LRP1B: variants seen among roughly 807,000 people sequenced by gnomAD.
LRP1B encodes LDL receptor related protein 1B.
A neutral mutation model predicts 556.6 loss-of-function variants in LRP1B; 217 were observed. The ratio of observed to expected loss-of-function variants is 0.39; its 90% CI spans 0.35 to 0.44. The LOEUF (loss-of-function observed/expected upper bound fraction) is 0.44. Among genes scored for constraint, LRP1B ranks in the 20% least tolerant of loss-of-function variants. The pLI is 1.00. For missense variants in LRP1B, 5,053 were observed against 5,620.8 expected, an observed-to-expected ratio of 0.90 and a Z score of 3.23; for synonymous variants, 2,047 against 1,865.8, an observed-to-expected ratio of 1.10 and a Z score of -2.50.
At chr2:141,028,928 AAAGG>A (rs1698290639) in intron 11 of LRP1B, among the ~76,000 whole-genome samples, 1 of 152,158 alleles carries the variant, frequency 6.6e-6, no homozygotes, top group African/African-American at 2.4e-5. Flanking sequence ...CAAAAGAGAA[AAAGG>A]CAGGAAAGGG....
At chr2:141,657,772 C>G (rs987327251) in intron 2 of LRP1B, among the ~76,000 whole-genome samples, 1 of 152,066 alleles carries the variant, frequency 6.6e-6, no homozygotes, top group Non-Finnish European at 1.5e-5. Context: ...GACAGTTGAT[C>G]AATCTATAGT....
At chr2:141,944,149 G>T (rs1026585700) in intron 1 of LRP1B, among the ~76,000 whole-genome samples, 1 of 152,176 alleles carries the variant, frequency 6.6e-6, no homozygotes, top group Non-Finnish European at 1.5e-5. Context: ...CAGATCAAAG[G>T]AGGAGGAGGT....
At position 141,005,315 on chromosome 2, in the gene LRP1B, G is replaced by T. The variant is rs1697540638; in HGVS notation, c.2503+20C>A. On this transcript the variant is annotated intron_variant, in intron 15 of 90. Coordinates refer to ENST00000389484, the MANE Select transcript of LRP1B (RefSeq NM_018557.3). ...GAAAGAGCCCGATAAACAAATAAGGGTAACTTGAAAAGAACTTACATGTGC... is the reference window on the plus strand; with the variant it reads ...GAAAGAGCCCGATAAACAAATAAGGTTAACTTGAAAAGAACTTACATGTGC... 8 of 1,606,008 alleles carry T rather than the reference G, an allele frequency of 5.0e-6. No individual in the cohort carries two copies. Among genetic ancestry groups the T allele is most frequent in the Non-Finnish European group, 6.8e-6 (8 of 1,175,142 alleles).
chr2:141,329,337 G>C (rs2105487955), intron 3 of LRP1B, among the ~76,000 whole-genome samples: 1 of 141,938 alleles, frequency 7.0e-6, no homozygotes, highest in Non-Finnish European at 1.5e-5. Context: ...AAAGTGAGCT[G>C]AGATTGCACC....
intron 66 of LRP1B, among the ~76,000 whole-genome samples, chr2:140,412,521 G>A (rs1402903390): frequency 9.2e-5 from 14 of 152,132 alleles, no homozygotes; most frequent in Middle Eastern, 3.4e-3. Context: ...GTAAGCGTGA[G>A]TGCTCTATTG....
intron 2 of LRP1B, among the ~76,000 whole-genome samples, chr2:141,785,676 T>A (rs1360592636): frequency 6.6e-6 from 1 of 150,764 alleles, no homozygotes; most frequent in African/African-American, 2.4e-5. Context: ...CTTATGTGCC[T>A]TTAGGAGAGA....
intron 3 of LRP1B, among the ~76,000 whole-genome samples, chr2:141,275,518 G>A (rs975139963): frequency 6.6e-6 from 1 of 152,118 alleles, no homozygotes; most frequent in Admixed American, 6.5e-5. Context: ...AGATCAGCCT[G>A]GGCAACATGG....
At position 140,682,675 on chromosome 2, in the gene LRP1B, C is replaced by CGTGTGTGTGTGTGT. The variant is rs112723393; in HGVS notation, c.6799+17561_6799+17574dup. Among the ~76,000 whole-genome samples, 497 of 149,532 alleles carry CGTGTGTGTGTGTGT rather than the reference C, an allele frequency of 3.3e-3. 3 individuals are homozygous for CGTGTGTGTGTGTGT. Among genetic ancestry groups the CGTGTGTGTGTGTGT allele is most frequent in the African/African-American group, 0.011 (467 of 40,692 alleles). On this transcript the variant is annotated intron_variant, in intron 41 of 90. Transcript: ENST00000389484. ...ACTTTTCTCTAGCTTGAGAGTATTG[C>CGTGTGTGTGTGTGT]GTGTGTGTGTGTGTGTGTGTGTGCG... is the stretch of plus-strand genomic sequence containing the variant.
intron 59 of LRP1B, among the ~76,000 whole-genome samples, chr2:140,480,561 C>A (rs1166088850): frequency 1.3e-5 from 2 of 152,080 alleles, no homozygotes; most frequent in Non-Finnish European, 1.5e-5. Context: ...CTGCCTCAGC[C>A]TCCTGAGTAG....
Position 142,091,754 on chromosome 2 carries a change from G to C in LRP1B, c.82+38894C>G, listed in dbSNP as rs546159290. Among the ~76,000 whole-genome samples, 3 of 152,280 alleles carry C rather than the reference G, an allele frequency of 2.0e-5. No homozygotes were observed. In the East Asian group the frequency reaches 5.8e-4, roughly 29 times the overall value. ...AAAAGACGTATCATAATTGGTCTAA[G>C]AAAGTCATGACTAGCATACTCACCC... On this transcript the variant is annotated intron_variant, in intron 1 of 90. Transcript: ENST00000389484.
chr2:141,745,769 C>A (rs1693892783), intron 2 of LRP1B, among the ~76,000 whole-genome samples: 1 of 152,002 alleles, frequency 6.6e-6, no homozygotes, highest in Non-Finnish European at 1.5e-5. Flanking sequence ...ACTATAGCCA[C>A]CACAGCTGGC....
At chr2:141,913,947 T>C (rs1266138855) in intron 1 of LRP1B, among the ~76,000 whole-genome samples, 4 of 152,022 alleles carry the variant, frequency 2.6e-5, no homozygotes, top group Non-Finnish European at 2.9e-5. Flanking sequence ...GGGGTTTCAC[T>C]GTGTTAGCCA....
intron 31 of LRP1B, among the ~76,000 whole-genome samples, chr2:140,838,682 A>G (rs570066304): frequency 6.6e-6 from 1 of 152,166 alleles, no homozygotes; most frequent in South Asian, 2.1e-4. Context: ...ATTGAAACAA[A>G]ATAATGAATT....
chr2:141,894,210 T>A (rs1699369803), intron 1 of LRP1B, among the ~76,000 whole-genome samples: 1 of 152,160 alleles, frequency 6.6e-6, no homozygotes, highest in Non-Finnish European at 1.5e-5. Flanking sequence ...AGGCAATTCG[T>A]TAACAGATAT....
rs1262109203 is a variant in LRP1B at position 140,525,907 on chromosome 2, G to T, written c.7963C>A (p.Pro2655Thr). Residue 2655 changes from proline (P) to threonine (T), a missense_variant, in exon 49 of 91, where the codon CCA becomes ACA. Physicochemically the swap from Pro to Thr is conservative, Grantham distance 38. This residue lies in a region of LRP1B where 3,619 missense variants were observed against 3,931.9 expected (regional missense o/e 0.92). Transcript: ENST00000389484. ...TTAGACCCGTCGCATATCCAGGTTG[G>T]CAGAACACACAGTGAGGTAGAATTA... ...RCNSTSLCVL[P>T]TWICDGSNDC... 6.2e-7 allele frequency: 1 copy of T among 1,612,378 alleles called. No homozygotes were observed. Among genetic ancestry groups the T allele is most frequent in the African/African-American group, 1.3e-5 (1 of 74,876 alleles).
At position 140,503,123 on chromosome 2, in the gene LRP1B, A is replaced by C; in HGVS notation, c.8522-20T>G. On this transcript the variant is annotated intron_variant, in intron 53 of 90. Coordinates refer to ENST00000389484, the MANE Select transcript of LRP1B (RefSeq NM_018557.3). Reference sequence around the variant, plus strand: ...GATATCCTAGAGACGCAGAAAAAACATTTGACTAATTCACATAACAAATAC... The same window carrying C: ...GATATCCTAGAGACGCAGAAAAAACCTTTGACTAATTCACATAACAAATAC... 3 of 1,610,514 alleles carry C rather than the reference A, an allele frequency of 1.9e-6. No individual in the cohort carries two copies. Among genetic ancestry groups the C allele is most frequent in the Non-Finnish European group, 1.7e-6 (2 of 1,177,440 alleles).
At chr2:141,062,306 G>T (rs1426741625) in intron 7 of LRP1B, 33 bp from the exon 8 acceptor site, 2 of 1,473,246 alleles carry the variant, frequency 1.4e-6, no homozygotes, top group Non-Finnish European at 1.9e-6. Context: ...TAAAGTGGAG[G>T]GTGGGGGAGG....
intron 29 of LRP1B, among the ~76,000 whole-genome samples, chr2:140,846,002 G>A (rs1205082083): frequency 6.6e-6 from 1 of 152,102 alleles, no homozygotes; most frequent in Non-Finnish European, 1.5e-5. Context: ...ATTGATGAAA[G>A]ACAGGGCCCC....
At chr2:141,734,181 T>A (rs1307059286) in intron 2 of LRP1B, among the ~76,000 whole-genome samples, 1 of 152,040 alleles carries the variant, frequency 6.6e-6, no homozygotes, top group African/African-American at 2.4e-5. Flanking sequence ...GACGAATTAA[T>A]CTCTAGATTA....
Sources: gnomAD v4.1 joint callset for allele counts (sites outside exome capture counted in the v4.1 genomes callset) on GRCh38, gnomAD v4.1.1 for gene constraint, gnomAD v4.1.1 regional missense constraint, MANE v1.5 for transcripts, NCBI Gene and HGNC (gene_info 2026-07-23, HGNC 2026-07-21) for gene names.